Variants in HEATR5B observed in about 807,000 individuals in gnomAD.
HEATR5B encodes HEAT repeat-containing protein 5B.
In HEATR5B, 156 loss-of-function variants were observed where a neutral mutation model predicts 224.1. The observed-to-expected ratio is 0.70, with a 90% CI of 0.61 to 0.80. The LOEUF is 0.80. Among genes scored for constraint, HEATR5B ranks in the 30% least tolerant of loss-of-function variants. The pLI is 0.00. For synonymous variants in HEATR5B, 1,027 were observed against 893.0 expected, an observed-to-expected ratio of 1.15 and a Z score of -2.68; for missense variants, 2,323 against 2,535.5, an observed-to-expected ratio of 0.92 and a Z score of 1.80.
chr2:37,048,940 T>C (rs982582929), intron 18 of HEATR5B, among the ~76,000 whole-genome samples: 6 of 152,254 alleles, frequency 3.9e-5, no homozygotes, highest in African/African-American at 1.2e-4. Context: ...GACCATGACA[T>C]AGTTTGCTAT....
At chr2:37,065,311 C>G (rs1671522351) in intron 9 of HEATR5B, among the ~76,000 whole-genome samples, 1 of 151,638 alleles carries the variant, frequency 6.6e-6, no homozygotes, top group South Asian at 2.1e-4. Flanking sequence ...ATTCAATATT[C>G]TTTACAAGGA....
rs761592434 is a variant in HEATR5B at position 37,002,552 on chromosome 2, C to G, written c.5071G>C (p.Glu1691Gln). ...NTLNEDDMEK[E>Q]ACTVLGEGGD... ...CCTTCTCCCAATACGGTACAGGCCT[C>G]TTTTTCCATATCATCTTCATCTGAG... Residue 1691 changes from glutamate to glutamine, a missense_variant, in exon 32 of 36, where the codon GAG (glutamate) becomes CAG (glutamine). By Grantham distance (29) the Glu-to-Gln change is conservative (BLOSUM62 2). Transcript: ENST00000233099. The G allele has an allele frequency of 1.2e-6, 2 of 1,613,488 alleles. No individual in the cohort carries two copies. Among genetic ancestry groups the G allele is most frequent in the Non-Finnish European group, 1.7e-6 (2 of 1,179,706 alleles).
chr2:37,040,259 G>T, intron 20 of HEATR5B, 70 bp downstream of exon 20: 2 of 1,203,242 alleles, frequency 1.7e-6, no homozygotes, highest in South Asian at 1.3e-5. Context: ...GTAATGTGAT[G>T]GTGATATTCA....
chr2:37,015,622 A>T (rs1425395418), intron 26 of HEATR5B, among the ~76,000 whole-genome samples: 2 of 152,206 alleles, frequency 1.3e-5, no homozygotes, highest in African/African-American at 2.4e-5. Context: ...AAGGAAGGTG[A>T]TACTACTGCT....
At chr2:37,000,168 C>A (rs1244137931) in intron 33 of HEATR5B, among the ~76,000 whole-genome samples, 1 of 151,974 alleles carries the variant, frequency 6.6e-6, no homozygotes, top group East Asian at 1.9e-4. Context: ...ACCTCCACCT[C>A]CCGGGTTCAA....
rs139351866 is a variant in HEATR5B at position 37,026,990 on chromosome 2, G to T, written c.3853+933C>A. ...TTTGTTGTATTTTTAGTAGAGATGG[G>T]GTTTCAGCATGTTGGCCAGGCTGGT... is the stretch of plus-strand genomic sequence containing the variant. On this transcript the variant is annotated intron_variant, in intron 24 of 35. Transcript: ENST00000233099. 3.6e-3 allele frequency among the ~76,000 whole-genome samples: 545 copies of T among 152,216 alleles called. 5 individuals are homozygous for T. Among genetic ancestry groups the T allele is most frequent in the African/African-American group, 0.012 (513 of 41,528 alleles).
At chr2:36,991,823 T>C (rs1222428111) in intron 33 of HEATR5B, among the ~76,000 whole-genome samples, 1 of 152,198 alleles carries the variant, frequency 6.6e-6, no homozygotes, top group African/African-American at 2.4e-5. Context: ...ATATGTGACA[T>C]GCTAACATTA....
chr2:37,002,033 T>G (rs938319625), intron 32 of HEATR5B, among the ~76,000 whole-genome samples: 14 of 152,210 alleles, frequency 9.2e-5, no homozygotes, highest in African/African-American at 3.4e-4. Context: ...TATTCCACTT[T>G]ATGTCTATCT....
At chr2:37,079,001 G>A (rs545037646) in intron 3 of HEATR5B, 119 bp downstream of exon 3, 4 of 606,036 alleles carry the variant, frequency 6.6e-6, no homozygotes, top group Non-Finnish European at 1.2e-5. Context: ...AGCTCTCACT[G>A]TTAGCAGCAT....
chr2:37,035,754 C>A (rs1239228637), intron 21 of HEATR5B, among the ~76,000 whole-genome samples: 1 of 152,086 alleles, frequency 6.6e-6, no homozygotes, highest in Non-Finnish European at 1.5e-5. Flanking sequence ...TCATCTACTC[C>A]TACGTCTCTG....
intron 33 of HEATR5B, among the ~76,000 whole-genome samples, chr2:36,999,282 T>G (rs556035475): frequency 6.6e-6 from 1 of 152,060 alleles, no homozygotes; most frequent in East Asian, 1.9e-4. Context: ...CATGTGGGGG[T>G]ACAATGGAGT....
At chr2:37,035,688 T>C (rs1340729808) in intron 21 of HEATR5B, among the ~76,000 whole-genome samples, 1 of 152,176 alleles carries the variant, frequency 6.6e-6, no homozygotes, top group African/African-American at 2.4e-5. Flanking sequence ...ACTCCTTTCC[T>C]CTTTTCTAAA....
intron 18 of HEATR5B, among the ~76,000 whole-genome samples, chr2:37,042,121 C>T (rs1015882649): frequency 6.6e-6 from 1 of 151,974 alleles, no homozygotes; most frequent in African/African-American, 2.4e-5. Flanking sequence ...TTTATTGAGA[C>T]TCACATACAA....
chr2:37,007,586 C>T (rs1021939347), intron 28 of HEATR5B, among the ~76,000 whole-genome samples: 1 of 152,128 alleles, frequency 6.6e-6, no homozygotes, highest in African/African-American at 2.4e-5. Context: ...CCACCCGCCT[C>T]AGCCTCCCAA....
intron 18 of HEATR5B, among the ~76,000 whole-genome samples, chr2:37,046,349 A>C (rs908132427): frequency 6.6e-6 from 1 of 152,168 alleles, no homozygotes; most frequent in Non-Finnish European, 1.5e-5. Flanking sequence ...ATTAAAAGTC[A>C]AGAGATGGGC....
At chr2:37,040,639 C>G (rs1323302368) in intron 19 of HEATR5B, 121 bp from the exon 20 acceptor site, 1 of 642,482 alleles carries the variant, frequency 1.6e-6, no homozygotes, top group Admixed American at 3.6e-5. Context: ...TGTGAAGTAG[C>G]AAATCCAGAT....
intron 26 of HEATR5B, among the ~76,000 whole-genome samples, chr2:37,017,366 C>A (rs1362392372): frequency 1.3e-5 from 2 of 150,498 alleles, no homozygotes; most frequent in Admixed American, 1.3e-4. Context: ...GCACTACAGC[C>A]TGGGCAACAG....
At chr2:37,074,902 A>T (rs1214917384) in intron 5 of HEATR5B, among the ~76,000 whole-genome samples, 1 of 152,248 alleles carries the variant, frequency 6.6e-6, no homozygotes, top group Non-Finnish European at 1.5e-5. Context: ...TAAATTAAAA[A>T]GACTGTCAGT....
chr2:37,031,442 T>TC (rs1233353321), intron 22 of HEATR5B, among the ~76,000 whole-genome samples: 6 of 150,702 alleles, frequency 4.0e-5, no homozygotes, highest in Non-Finnish European at 7.4e-5. Context: ...TTCTTTTTTT[T>TC]TTTTTTTTTA....
Sources: allele counts gnomAD v4.1 joint callset (sites outside exome capture counted in the v4.1 genomes callset), GRCh38; gene constraint gnomAD v4.1.1; transcripts MANE v1.5; gene names NCBI Gene and HGNC (gene_info 2026-07-23, HGNC 2026-07-21).